The following SLC35E4 variants were observed in gnomAD, a reference collection of about 807,000 sequenced individuals.
The protein encoded by SLC35E4 is solute carrier family 35, member E4.
A neutral mutation model predicts 19.3 loss-of-function variants in SLC35E4; 15 were observed. The observed-to-expected ratio is 0.78, with a 90% CI of 0.52 to 1.20. SLC35E4 has a LOEUF of 1.20. Ranked by LOEUF, SLC35E4 falls within the 50% of genes most tolerant of loss-of-function variation. The probability of loss-of-function intolerance (pLI) is 0.00; values close to 1 mark genes in which losing one functional copy is unlikely to be tolerated. For missense variants in SLC35E4, 406 were observed against 472.3 expected, an observed-to-expected ratio of 0.86 and a Z score of 1.30; for synonymous variants, 219 against 219.9, an observed-to-expected ratio of 1.00 and a Z score of 0.04.
chr22:30,643,988 A>G (rs2088087688), intron 1 of SLC35E4, among the ~76,000 whole-genome samples: 1 of 152,070 alleles, frequency 6.6e-6, no homozygotes, highest in Non-Finnish European at 1.5e-5. Flanking sequence ...TGGGATGTAC[A>G]ATAGGTGTGA....
At chr22:30,645,595 CAAAAAA>C (rs1157239877) in intron 1 of SLC35E4, among the ~76,000 whole-genome samples, 2 of 82,130 alleles carry the variant, frequency 2.4e-5, no homozygotes, top group South Asian at 6.4e-4. Context: ...ACTCTGTCTC[CAAAAAA>C]AAAAAAAAAA....
chr22:30,663,436 C>A (rs1243126083), downstream of SLC35E4: 2 of 1,605,552 alleles, frequency 1.2e-6, no homozygotes, highest in Non-Finnish European at 1.7e-6. Flanking sequence ...CGTGGGATGG[C>A]TCACAGTGGA....
At chr22:30,638,056 A>G (rs2087978350) in intron 1 of SLC35E4, among the ~76,000 whole-genome samples, 4 of 152,134 alleles carry the variant, frequency 2.6e-5, no homozygotes, top group Admixed American at 2.6e-4. Flanking sequence ...TGATGGGACT[A>G]AGACCCAGAG....
chr22:30,647,789 G>A lies in SLC35E4; in HGVS notation c.*758G>A, dbSNP rs1569060691. 1 of 152,174 alleles carries A rather than the reference G, an allele frequency of 6.6e-6. No homozygotes were observed. The highest frequency in any genetic ancestry group is 1.5e-5 in the Non-Finnish European group (1 of 68,030). 9.4% of individuals were successfully genotyped at this position (152,174 alleles called of 1,614,324 possible). On this transcript the variant is annotated 3_prime_UTR_variant, in exon 2 of 2. Coordinates refer to ENST00000343605, the MANE Select transcript of SLC35E4 (RefSeq NM_001001479.4). ...GCTTCTATGCTGCTGGGCTCCCCTAGGGAGTTGGGGTAGTCTGTGCCAACT... is the reference window on the plus strand; with the variant it reads ...GCTTCTATGCTGCTGGGCTCCCCTAAGGAGTTGGGGTAGTCTGTGCCAACT...
At chr22:30,666,778 G>A (rs925271840), downstream of SLC35E4, 1 of 152,174 alleles carries the variant, frequency 6.6e-6, no homozygotes, top group East Asian at 1.9e-4. Flanking sequence ...CAGGCAGACA[G>A]AGCTTGAAAA....
intron 1 of SLC35E4, among the ~76,000 whole-genome samples, chr22:30,645,595 C>CAAAAAAAA (rs1157239877): frequency 3.7e-5 from 3 of 82,134 alleles, no homozygotes; most frequent in Non-Finnish European, 7.8e-5. Flanking sequence ...ACTCTGTCTC[C>CAAAAAAAA]AAAAAAAAAA....
chr22:30,653,379 T>C (rs1350530468), intron 2 of SLC35E4, among the ~76,000 whole-genome samples: 2 of 151,536 alleles, frequency 1.3e-5, no homozygotes, highest in Non-Finnish European at 3.0e-5. Context: ...TCCTTCTTTT[T>C]TTTTTTTTTT....
At chr22:30,666,623 A>C (rs1602113685), downstream of SLC35E4, among the ~76,000 whole-genome samples, 4 of 50,892 alleles carry the variant, frequency 7.9e-5, no homozygotes, top group Non-Finnish European at 3.4e-4. Context: ...CTCCATCTCA[A>C]AAAAAAAAAA....
intron 1 of SLC35E4, among the ~76,000 whole-genome samples, chr22:30,642,856 C>T (rs1273659175): frequency 6.6e-6 from 1 of 151,532 alleles, no homozygotes; most frequent in Admixed American, 6.6e-5. Flanking sequence ...AGTGAAACCC[C>T]GTCTCTACTA....
At chr22:30,637,953 T>C (rs1443618716) in intron 1 of SLC35E4, among the ~76,000 whole-genome samples, 5 of 152,164 alleles carry the variant, frequency 3.3e-5, no homozygotes, top group Non-Finnish European at 7.4e-5. Flanking sequence ...GGGAGGGCTG[T>C]TGTTTACTGG....
In SLC35E4 at chr22:30,636,687, C is replaced by G. The variant is rs1325453577; in HGVS notation, c.237C>G (p.Pro79=). 6.2e-7 allele frequency: 1 copy of G among 1,611,840 alleles called. No individual in the cohort carries two copies. The stretch of plus-strand genomic sequence containing the variant: ...TCACAGTGCACGGCTTTGGGCGGCC[C>G]CTGCTGCTGTCGGCCCTGCACATGC... ...WIFTVHGFGR[P]LLLSALHMLV... is the part of the protein sequence containing the mutation. The change falls in exon 1 of 2, where the codon CCC becomes CCG. Residue 79 remains proline, a synonymous_variant. Coordinates refer to ENST00000343605, the MANE Select transcript of SLC35E4 (RefSeq NM_001001479.4).
At chr22:30,663,934 T>G, downstream of SLC35E4, 1 of 1,614,166 alleles carries the variant, frequency 6.2e-7, no homozygotes, top group East Asian at 2.2e-5. Context: ...AGGCTTTTGG[T>G]TATCTGCGAG....
At chr22:30,658,753 T>C (rs1219485534) in intron 2 of SLC35E4, among the ~76,000 whole-genome samples, 1 of 152,066 alleles carries the variant, frequency 6.6e-6, no homozygotes, top group Non-Finnish European at 1.5e-5. Flanking sequence ...TTCCAGTGAA[T>C]GAGAACTGAA....
chr22:30,644,425 G>A (rs1015876134), intron 1 of SLC35E4, among the ~76,000 whole-genome samples: 1 of 152,178 alleles, frequency 6.6e-6, no homozygotes, highest in African/African-American at 2.4e-5. Flanking sequence ...AAGGCCCCAT[G>A]CCATCATTGC....
intron 2 of SLC35E4, among the ~76,000 whole-genome samples, chr22:30,661,122 T>C (rs1024418014): frequency 6.6e-6 from 1 of 152,106 alleles, no homozygotes; most frequent in Admixed American, 6.5e-5. Flanking sequence ...ATTACAGGCA[T>C]GAGCCACCAC....
At chr22:30,668,049 C>A, downstream of SLC35E4, 1 of 160,066 alleles carries the variant, frequency 6.2e-6, no homozygotes. Flanking sequence ...TCCAACCGGC[C>A]TCCGTGCGCC....
At chr22:30,646,562 T>C in intron 1 of SLC35E4, 36 bp from the exon 2 acceptor site, 2 of 1,568,844 alleles carry the variant, frequency 1.3e-6, no homozygotes, top group Non-Finnish European at 1.7e-6. Context: ...GGGGGTTGTG[T>C]CCTTCTGGGT....
downstream of SLC35E4, chr22:30,663,915 C>T: frequency 6.2e-7 from 1 of 1,614,178 alleles, no homozygotes. Context: ...CACACCATTG[C>T]TGATATACAG....
chr22:30,641,131 G>A (rs1466874112), intron 1 of SLC35E4, among the ~76,000 whole-genome samples: 1 of 152,226 alleles, frequency 6.6e-6, no homozygotes, highest in Non-Finnish European at 1.5e-5. Flanking sequence ...CCACAGGGCT[G>A]TGAAGGTCCT....
Sources: gnomAD v4.1 joint callset for allele counts (sites outside exome capture counted in the v4.1 genomes callset) on GRCh38, gnomAD v4.1.1 for gene constraint, MANE v1.5 for transcripts, NCBI Gene and HGNC (gene_info 2026-07-23, HGNC 2026-07-21) for gene names.